Variants in PPP1R1C observed in about 807,000 individuals in gnomAD.
The protein encoded by PPP1R1C is protein phosphatase 1 regulatory subunit 1C.
PPP1R1C carries 15 observed loss-of-function variants against 17.4 expected under a neutral mutation model. That is an observed-to-expected ratio of 0.86 (90% confidence interval 0.58 to 1.33). PPP1R1C has a LOEUF of 1.33. PPP1R1C is among the 40% of genes most tolerant of loss of function. The pLI is 0.00. For synonymous variants in PPP1R1C, 35 were observed against 43.1 expected (o/e 0.81, Z 0.73); for missense variants, 143 against 130.0 (o/e 1.10, Z -0.48).
intron 1 of PPP1R1C, among the ~76,000 whole-genome samples, chr2:181,968,206 G>A (rs999196968): frequency 3.9e-5 from 6 of 152,110 alleles, no homozygotes; most frequent in African/African-American, 1.4e-4. Flanking sequence ...ATATCTTTTG[G>A]GACCATTTGG....
Position 181,961,936 on chromosome 2 carries a change from G to T in PPP1R1C, n.111+7302G>T. The T allele has an allele frequency of 1.3e-6, 1 of 742,940 alleles. No homozygotes were observed. The allele number at this position is 742,940 out of a possible 1,614,324, so 46.0% of individuals were successfully genotyped here. A position where few individuals can be genotyped will look rare whatever the true frequency, so the allele number is the denominator to read the frequency against. On this transcript the variant is annotated intron_variant and non_coding_transcript_variant, in intron 1 of 5. Transcript: ENST00000464264. The surrounding 1 kb of genome is among the most constrained non-coding windows in gnomAD (Gnocchi z 5.8). ...CAGTGACCTTGTGGAGCCCATGGATGTCACTCCCCACAGACGGGTGCATGG... is the reference window on the plus strand; with the variant it reads ...CAGTGACCTTGTGGAGCCCATGGATTTCACTCCCCACAGACGGGTGCATGG...
chr2:182,002,186 A>G (rs1403096796), intron 2 of PPP1R1C, among the ~76,000 whole-genome samples: 1 of 100,472 alleles, frequency 1.0e-5, no homozygotes, highest in Non-Finnish European at 2.5e-5. Flanking sequence ...CCCACTTTCC[A>G]TCAAGGTATT....
At chr2:182,062,481 C>T (rs968097855) in intron 3 of PPP1R1C, among the ~76,000 whole-genome samples, 2 of 152,044 alleles carry the variant, frequency 1.3e-5, no homozygotes, top group Non-Finnish European at 2.9e-5. Flanking sequence ...AGTAGAAGTG[C>T]CCCAGAAATG....
At chr2:181,960,462 A>G (rs1249149699) in intron 1 of PPP1R1C, among the ~76,000 whole-genome samples, 5 of 152,208 alleles carry the variant, frequency 3.3e-5, no homozygotes, top group Non-Finnish European at 5.9e-5. Context: ...AGTCTTGGCA[A>G]TTTTGTAGTT....
At chr2:182,064,119 G>C (rs542606513) in intron 4 of PPP1R1C, 1 of 285,648 alleles carries the variant, frequency 3.5e-6, no homozygotes, top group Non-Finnish European at 6.6e-6. Context: ...TCTTGCCAGT[G>C]TTGGCAGATG....
intron 2 of PPP1R1C, among the ~76,000 whole-genome samples, chr2:182,057,761 T>C (rs1359084479): frequency 6.6e-6 from 1 of 152,178 alleles, no homozygotes; most frequent in African/African-American, 2.4e-5. Flanking sequence ...CACTTTTAAA[T>C]GATATTTTCA....
chr2:181,985,278 A>C (rs1685268325), upstream of PPP1R1C, among the ~76,000 whole-genome samples: 2 of 152,304 alleles, frequency 1.3e-5, no homozygotes, highest in African/African-American at 4.8e-5. This position sits in a 1 kb window ranked among gnomAD's most constrained non-coding sequence, Gnocchi z 4.1. Context: ...TGGGACTTTA[A>C]AGGTCATTGA....
At chr2:182,083,876 C>A (rs190737060) in intron 4 of PPP1R1C, among the ~76,000 whole-genome samples, 1 of 152,286 alleles carries the variant, frequency 6.6e-6, no homozygotes, top group East Asian at 1.9e-4. Context: ...ATTAAAATTT[C>A]CACCAGCAGT....
At chr2:181,981,006 G>C (rs999861780), upstream of PPP1R1C, among the ~76,000 whole-genome samples, 2 of 146,612 alleles carry the variant, frequency 1.4e-5, no homozygotes, top group Non-Finnish European at 3.0e-5. Context: ...TCGGCTCACT[G>C]CAAGCTCCGC....
At chr2:182,005,728 C>T (rs1409328341) in intron 2 of PPP1R1C, among the ~76,000 whole-genome samples, 1 of 152,108 alleles carries the variant, frequency 6.6e-6, no homozygotes, top group Non-Finnish European at 1.5e-5. Context: ...CTCTTCAGTG[C>T]CAATCTTAGA....
chr2:182,010,752 T>C (rs1686066646), intron 2 of PPP1R1C, among the ~76,000 whole-genome samples: 2 of 152,060 alleles, frequency 1.3e-5, no homozygotes, highest in African/African-American at 4.8e-5. Context: ...TGATACTAGC[T>C]TGTGGATTTG....
chr2:182,026,776 A>C (rs1242463918), intron 2 of PPP1R1C, among the ~76,000 whole-genome samples: 1 of 151,204 alleles, frequency 6.6e-6, no homozygotes, highest in East Asian at 1.9e-4. Flanking sequence ...TGGGGATGGC[A>C]TTGAATCTGT....
chr2:182,061,089 T>C (rs910766958), intron 2 of PPP1R1C, among the ~76,000 whole-genome samples: 12 of 152,112 alleles, frequency 7.9e-5, no homozygotes, highest in African/African-American at 2.9e-4. Context: ...AGGCTCTCAT[T>C]AATGGATAGT....
chr2:182,037,961 C>G (rs1006205735), intron 2 of PPP1R1C, among the ~76,000 whole-genome samples: 5 of 152,026 alleles, frequency 3.3e-5, no homozygotes, highest in African/African-American at 1.2e-4. Context: ...CCTGATAGCT[C>G]TATATTTACT....
At chr2:182,013,825 G>A (rs762471873) in intron 2 of PPP1R1C, among the ~76,000 whole-genome samples, 6 of 152,112 alleles carry the variant, frequency 3.9e-5, no homozygotes, top group Admixed American at 6.5e-5. Flanking sequence ...AAGAGACTCA[G>A]ATATGTTTTT....
chr2:182,074,073 A>G (rs1016273958), intron 4 of PPP1R1C, among the ~76,000 whole-genome samples: 9 of 139,298 alleles, frequency 6.5e-5, no homozygotes, highest in Non-Finnish European at 1.4e-4. Flanking sequence ...ACGGAGTCTC[A>G]CTCTGTCGCC....
intron 4 of PPP1R1C, among the ~76,000 whole-genome samples, chr2:182,115,997 G>C (rs1689569949): frequency 6.6e-6 from 1 of 152,088 alleles, no homozygotes; most frequent in African/African-American, 2.4e-5. Context: ...ACTATATGCA[G>C]AAAGTTTCAG....
chr2:182,092,488 A>G (rs1157037726), intron 4 of PPP1R1C, among the ~76,000 whole-genome samples: 1 of 152,184 alleles, frequency 6.6e-6, no homozygotes, highest in African/African-American at 2.4e-5. Context: ...ATGCCTTCCC[A>G]ACAGTCTCCC....
At chr2:182,080,131 C>A (rs760284244) in intron 4 of PPP1R1C, among the ~76,000 whole-genome samples, 2 of 152,194 alleles carry the variant, frequency 1.3e-5, no homozygotes, top group Non-Finnish European at 2.9e-5. Context: ...ATGCCTGTTG[C>A]AGAAGTTTTA....
Sources: allele counts gnomAD v4.1 joint callset (sites outside exome capture counted in the v4.1 genomes callset), GRCh38; gene constraint gnomAD v4.1.1; non-coding constraint Gnocchi (gnomAD v3.1); transcripts MANE v1.5; gene names NCBI Gene and HGNC (gene_info 2026-07-23, HGNC 2026-07-21).